ATG3: variants seen among roughly 807,000 people sequenced by gnomAD.
ATG3 encodes the protein autophagy related 3, also known as ubiquitin-like-conjugating enzyme ATG3.
Under a neutral mutation model 50.7 loss-of-function variants are expected in ATG3, and 25 were observed. That is an observed-to-expected ratio of 0.49 (90% CI 0.36 to 0.69). The LOEUF (loss-of-function observed/expected upper bound fraction) is 0.69, where lower values mean the gene tolerates loss of function less well. Among genes scored for constraint, ATG3 ranks in the 30% least tolerant of loss-of-function variants. The pLI is 0.00. For missense variants in ATG3, 281 were observed against 376.0 expected (o/e 0.75, Z 2.09); for synonymous variants, 119 against 125.5 (o/e 0.95, Z 0.34).
At chr3:112,557,236 A>G (rs1933711810) in intron 2 of ATG3, among the ~76,000 whole-genome samples, 1 of 150,400 alleles carries the variant, frequency 6.6e-6, no homozygotes. Context: ...TATTTTTAGT[A>G]GAGACGGGGT....
At chr3:112,545,592 T>C (rs187364886) in intron 5 of ATG3, among the ~76,000 whole-genome samples, 1 of 152,356 alleles carries the variant, frequency 6.6e-6, no homozygotes, top group East Asian at 1.9e-4. Context: ...TACTATATAA[T>C]AGGTATGACT....
intron 10 of ATG3, chr3:112,535,944 T>G (rs1011862305): frequency 6.5e-6 from 1 of 153,450 alleles, no homozygotes; most frequent in East Asian, 1.9e-4. Context: ...GAAAAAACAC[T>G]GATACAAAGA....
chr3:112,556,317 A>G (rs976962909), intron 2 of ATG3, among the ~76,000 whole-genome samples: 1 of 151,386 alleles, frequency 6.6e-6, no homozygotes, highest in Admixed American at 6.6e-5. Context: ...CCTACTGGGA[A>G]GTGAGGAGCC....
chr3:112,550,259 A>C lies in ATG3; in HGVS notation c.168T>G (p.Ala56=). The change falls in exon 4 of 12, where the codon GCT becomes GCG. Residue 56 remains alanine (A), a synonymous_variant. Coordinates refer to ENST00000283290, the MANE Select transcript of ATG3 (RefSeq NM_022488.5). ...CCTTCACTTTCAATTCTTCCCCTGT[A>C]GCCCTTTAAAAACAGTGAAAAGCAC... is the stretch of plus-strand genomic sequence containing the variant. ...LVHHCPTWQW[A]TGEELKVKAY... The C allele has an allele frequency of 6.2e-7, 1 of 1,611,312 alleles. No homozygotes were observed. Among genetic ancestry groups the C allele is most frequent in the African/African-American group, 1.3e-5 (1 of 74,926 alleles).
At chr3:112,554,259 C>T (rs577838621) in intron 2 of ATG3, among the ~76,000 whole-genome samples, 2 of 152,326 alleles carry the variant, frequency 1.3e-5, no homozygotes, top group South Asian at 2.1e-4. Flanking sequence ...ACGTATACAT[C>T]TAGATGTGCT....
chr3:112,553,030 T>C (rs1389897663), intron 3 of ATG3, among the ~76,000 whole-genome samples: 1 of 152,146 alleles, frequency 6.6e-6, no homozygotes, highest in Non-Finnish European at 1.5e-5. Context: ...AAAGAAGTAA[T>C]AGTAAAGGAA....
chr3:112,557,133 T>C (rs1294056544), intron 2 of ATG3, among the ~76,000 whole-genome samples: 6 of 148,688 alleles, frequency 4.0e-5, no homozygotes, highest in Non-Finnish European at 7.4e-5. Context: ...AAAAGATTAG[T>C]TATGCAAACC....
In ATG3 at chr3:112,561,600, G is replaced by A; in HGVS notation, c.-72C>T. 1 of 1,469,942 alleles carries A rather than the reference G, an allele frequency of 6.8e-7. No homozygotes were observed. The allele number at this position is 1,469,942 out of a possible 1,614,324, so 91.1% of individuals were successfully genotyped here. A position where few individuals can be genotyped will look rare whatever the true frequency, so the allele number is the denominator to read the frequency against. On this transcript the variant is annotated 5_prime_UTR_variant, in exon 1 of 12. Transcript: ENST00000283290. ...AGCCGTGTCAGGGGCCAGGGAGTCA[G>A]AAAATGTCCTCGCTGCCACCGACTC...
intron 7 of ATG3, among the ~76,000 whole-genome samples, chr3:112,541,323 G>A (rs770481897): frequency 3.8e-4 from 58 of 151,818 alleles, no homozygotes; most frequent in Non-Finnish European, 6.9e-4. Context: ...GGAGACGGCG[G>A]TTGCAGTGAG....
chr3:112,538,573 C>T lies in ATG3; in HGVS notation c.476-393G>A, dbSNP rs73853443. ...CTTCTCCTTGGAACATACTTTCTTT[C>T]CTTGGCTTTTAAAATATTTTCCTGG... On this transcript the variant is annotated intron_variant, in intron 7 of 11. Coordinates refer to ENST00000283290, the MANE Select transcript of ATG3 (RefSeq NM_022488.5). 4.7e-3 allele frequency among the ~76,000 whole-genome samples: 717 copies of T among 152,312 alleles called. 6 individuals are homozygous for T. The highest frequency in any genetic ancestry group is 0.016 in the African/African-American group (672 of 41,558).
rs933817184 is a variant in ATG3, at chr3:112,533,760, A to C, written c.863+509T>G. The C allele has an allele frequency of 4.1e-6, 4 of 985,274 alleles. No individual in the cohort carries two copies. The African/African-American group carries it at 7.0e-5, about 17-fold the overall frequency. 61.0% of individuals were successfully genotyped at this position (985,274 alleles called of 1,614,324 possible). The stretch of plus-strand genomic sequence containing the variant: ...TACTTTTGTCAATCCAAGAAAACTG[A>C]GTAGGAAAACTATAGTAAGATACAA... On this transcript the variant is annotated intron_variant, in intron 11 of 11. Transcript: ENST00000283290.
chr3:112,535,135 A>G (rs1463601930), intron 10 of ATG3: 3 of 152,188 alleles, frequency 2.0e-5, no homozygotes, highest in Non-Finnish European at 4.4e-5. Flanking sequence ...CAAGAAAAAG[A>G]TAATTTTTAA....
chr3:112,560,130 T>G (rs761036629), intron 1 of ATG3, among the ~76,000 whole-genome samples: 2 of 152,198 alleles, frequency 1.3e-5, no homozygotes, highest in Non-Finnish European at 2.9e-5. Flanking sequence ...CATCATACAT[T>G]TTATATTTCA....
chr3:112,555,740 C>CT (rs1363280787), intron 2 of ATG3, among the ~76,000 whole-genome samples: 2 of 152,244 alleles, frequency 1.3e-5, no homozygotes, highest in Non-Finnish European at 2.9e-5. Flanking sequence ...TCATTCTACT[C>CT]TAACTCAATC....
intron 6 of ATG3, among the ~76,000 whole-genome samples, chr3:112,542,765 T>A (rs565628389): frequency 1.3e-5 from 2 of 152,186 alleles, no homozygotes; most frequent in East Asian, 3.9e-4. Context: ...GATTAATACT[T>A]CTGCTTGGAT....
intron 2 of ATG3, among the ~76,000 whole-genome samples, chr3:112,554,361 C>T (rs1277184049): frequency 1.3e-5 from 2 of 152,222 alleles, no homozygotes; most frequent in Non-Finnish European, 2.9e-5. Context: ...CCTAACTGAT[C>T]AAGGTACTTT....
intron 11 of ATG3, chr3:112,533,886 G>T (rs957107038): frequency 9.8e-7 from 1 of 1,015,932 alleles, no homozygotes. Flanking sequence ...ATTTGTTTAA[G>T]CTGAATTATT....
At chr3:112,533,153 T>C (rs1559840738) in intron 11 of ATG3, 1 of 990,598 alleles carries the variant, frequency 1.0e-6, no homozygotes, top group Non-Finnish European at 1.2e-6. Context: ...TAGACTATAA[T>C]GAAGTACTAT....
intron 3 of ATG3, among the ~76,000 whole-genome samples, chr3:112,552,352 G>A (rs1189877236): frequency 1.3e-5 from 2 of 151,762 alleles, no homozygotes; most frequent in African/African-American, 4.8e-5. Context: ...AATATAGATT[G>A]TGAAAACTGC....
Sources: gnomAD v4.1 joint callset for allele counts (sites outside exome capture counted in the v4.1 genomes callset) on GRCh38, gnomAD v4.1.1 for gene constraint, MANE v1.5 for transcripts, NCBI Gene and HGNC (gene_info 2026-07-23, HGNC 2026-07-21) for gene names.